The following LRRIQ3 variants were observed in gnomAD, a reference collection of about 807,000 sequenced individuals.
The protein encoded by LRRIQ3 is leucine-rich repeat and IQ domain-containing protein 3.
Under a neutral mutation model 59.3 loss-of-function variants are expected in LRRIQ3, and 75 were observed. That is an observed-to-expected ratio of 1.26 (90% CI 1.05 to 1.53). The LOEUF (loss-of-function observed/expected upper bound fraction) is 1.53, where lower values mean the gene tolerates loss of function less well. Among genes scored for constraint, LRRIQ3 ranks in the 40% most tolerant of loss-of-function variants. LRRIQ3 has a pLI of 0.00. For missense variants in LRRIQ3, 831 were observed against 710.0 expected, an observed-to-expected ratio of 1.17 and a Z score of -1.94; for synonymous variants, 250 against 231.3, an observed-to-expected ratio of 1.08 and a Z score of -0.73.
At chr1:74,189,852 T>C (rs1378468871) in intron 1 of LRRIQ3, among the ~76,000 whole-genome samples, 2 of 152,162 alleles carry the variant, frequency 1.3e-5, no homozygotes, top group African/African-American at 4.8e-5. Context: ...TCTTTTTCTT[T>C]ATAAATTACC....
chr1:74,146,283 G>T (rs956989118), intron 4 of LRRIQ3, among the ~76,000 whole-genome samples: 2 of 152,000 alleles, frequency 1.3e-5, no homozygotes, highest in Admixed American at 6.6e-5. Flanking sequence ...AAATAATTAT[G>T]TTATTTATAA....
intron 6 of LRRIQ3, among the ~76,000 whole-genome samples, chr1:74,067,076 G>C (rs917678957): frequency 6.6e-6 from 1 of 152,090 alleles, no homozygotes; most frequent in African/African-American, 2.4e-5. Flanking sequence ...AGTCACCAAA[G>C]ATCCTTTGAT....
intron 5 of LRRIQ3, among the ~76,000 whole-genome samples, chr1:74,092,951 T>C (rs966311542): frequency 6.6e-6 from 1 of 152,028 alleles, no homozygotes; most frequent in Admixed American, 6.6e-5. Flanking sequence ...ATGGTCACTA[T>C]CGTTAATTTG....
intron 4 of LRRIQ3, among the ~76,000 whole-genome samples, chr1:74,115,666 G>T (rs1374640152): frequency 7.9e-5 from 12 of 152,072 alleles, no homozygotes; most frequent in Admixed American, 7.9e-4. Context: ...GAAGACAGGG[G>T]TCTTGGATCT....
intron 5 of LRRIQ3, chr1:74,078,528 A>C (rs1448875926): frequency 6.6e-6 from 1 of 151,898 alleles, no homozygotes; most frequent in African/African-American, 2.4e-5. Context: ...ATGCATGATA[A>C]GACATATTAT....
intron 4 of LRRIQ3, among the ~76,000 whole-genome samples, chr1:74,124,855 T>C (rs1557627069): frequency 6.6e-6 from 1 of 151,992 alleles, no homozygotes; most frequent in African/African-American, 2.4e-5. Context: ...CATTTGTGGT[T>C]CCATAAAAAT....
At chr1:74,103,789 C>T (rs1022800435) in intron 5 of LRRIQ3, among the ~76,000 whole-genome samples, 1 of 149,074 alleles carries the variant, frequency 6.7e-6, no homozygotes, top group Non-Finnish European at 1.5e-5. Flanking sequence ...TCTGTCCTTC[C>T]CCCCCCCGCC....
chr1:74,067,262 TA>T (rs1479474770), intron 6 of LRRIQ3, among the ~76,000 whole-genome samples: 2 of 152,070 alleles, frequency 1.3e-5, no homozygotes, highest in Non-Finnish European at 2.9e-5. Flanking sequence ...CTTATACACT[TA>T]AACATACAAA....
intron 1 of LRRIQ3, among the ~76,000 whole-genome samples, chr1:74,189,119 G>A (rs968104877): frequency 7.9e-5 from 12 of 152,100 alleles, no homozygotes; most frequent in African/African-American, 2.9e-4. Context: ...CAGCTGGAAT[G>A]CTGAGATGAA....
intron 4 of LRRIQ3, among the ~76,000 whole-genome samples, chr1:74,133,695 GTACT>G (rs1647068038): frequency 6.9e-6 from 1 of 145,868 alleles, no homozygotes. Flanking sequence ...GGAACATCAC[GTACT>G]GGGGCCTGTC....
intron 5 of LRRIQ3, among the ~76,000 whole-genome samples, chr1:74,108,209 T>C (rs1041204132): frequency 2.0e-5 from 3 of 151,858 alleles, no homozygotes; most frequent in African/African-American, 7.2e-5. Context: ...TCATACTCTC[T>C]AATCATACTC....
chr1:74,113,237 A>G (rs182009417), intron 4 of LRRIQ3, among the ~76,000 whole-genome samples: 21 of 152,178 alleles, frequency 1.4e-4, no homozygotes, highest in African/African-American at 5.1e-4. Flanking sequence ...ATGCTGAAAA[A>G]CAGAAATAAA....
intron 4 of LRRIQ3, among the ~76,000 whole-genome samples, chr1:74,115,168 GA>G (rs1444851150): frequency 5.9e-5 from 9 of 151,968 alleles, no homozygotes; most frequent in Admixed American, 5.9e-4. Context: ...ACTCTTTCAT[GA>G]ATTGCTCAAT....
intron 4 of LRRIQ3, among the ~76,000 whole-genome samples, chr1:74,133,278 T>A (rs1169628774): frequency 6.6e-6 from 1 of 152,154 alleles, no homozygotes; most frequent in East Asian, 1.9e-4. Context: ...TGTAAACAAG[T>A]TCAACCATTG....
At chr1:74,100,262 AACAG>A (rs1646510953) in intron 5 of LRRIQ3, among the ~76,000 whole-genome samples, 1 of 152,154 alleles carries the variant, frequency 6.6e-6, no homozygotes, top group Non-Finnish European at 1.5e-5. Flanking sequence ...ATGCACCAAT[AACAG>A]ACAAACAGAA....
chr1:74,177,187 T>TAGG (rs898369009), intron 3 of LRRIQ3, among the ~76,000 whole-genome samples: 9 of 152,282 alleles, frequency 5.9e-5, no homozygotes, highest in African/African-American at 2.2e-4. Context: ...TATGAAGGTG[T>TAGG]AGGGGTTCTT....
chr1:74,176,645 T>A (rs1461231661), intron 3 of LRRIQ3, among the ~76,000 whole-genome samples: 1 of 104 alleles, frequency 9.6e-3, no homozygotes, highest in Non-Finnish European at 0.023. Flanking sequence ...TTCTCAGTAT[T>A]TTTTTTTTCT....
chr1:74,174,900 C>A (rs777352238), intron 3 of LRRIQ3, among the ~76,000 whole-genome samples: 8 of 152,078 alleles, frequency 5.3e-5, no homozygotes, highest in Non-Finnish European at 1.2e-4. Context: ...GGTTTGGTTG[C>A]TAGAGAGAGC....
At chr1:74,036,074 T>C (rs1014529885) in intron 7 of LRRIQ3, among the ~76,000 whole-genome samples, 22 of 152,196 alleles carry the variant, frequency 1.4e-4, no homozygotes, top group Non-Finnish European at 1.9e-4. Flanking sequence ...AAGGGAGAAT[T>C]TAAGTGAAGT....
Sources: gnomAD v4.1 joint callset for allele counts (sites outside exome capture counted in the v4.1 genomes callset) on GRCh38, gnomAD v4.1.1 for gene constraint, MANE v1.5 for transcripts, NCBI Gene and HGNC (gene_info 2026-07-23, HGNC 2026-07-21) for gene names.